Variants in AKAP7 observed in about 807,000 individuals in gnomAD.
AKAP7 encodes A-kinase anchoring protein 7.
A neutral mutation model predicts 39.5 loss-of-function variants in AKAP7; 39 were observed. The observed-to-expected ratio is 0.99, with a 90% CI of 0.76 to 1.29. AKAP7 has a LOEUF of 1.29. Among genes scored for constraint, AKAP7 ranks in the 50% most tolerant of loss-of-function variants. The probability of loss-of-function intolerance (pLI) is 0.00; values close to 1 mark genes in which losing one functional copy is unlikely to be tolerated. For synonymous variants in AKAP7, 140 were observed against 139.1 expected (o/e 1.01, Z -0.05); for missense variants, 414 against 407.7 (o/e 1.02, Z -0.13).
chr6:131,131,035 C>T (rs887146088), upstream of AKAP7, among the ~76,000 whole-genome samples: 3 of 152,168 alleles, frequency 2.0e-5, no homozygotes, highest in Non-Finnish European at 4.4e-5. Flanking sequence ...CTTGTTCAGG[C>T]GTGAGCAGGT....
chr6:131,215,889 T>C (rs1161605242), intron 6 of AKAP7, among the ~76,000 whole-genome samples: 3 of 152,224 alleles, frequency 2.0e-5, no homozygotes. Context: ...AATTTTGTTG[T>C]CAAGTCATTA....
chr6:131,189,383 G>A (rs1454266854), intron 5 of AKAP7, among the ~76,000 whole-genome samples: 1 of 151,960 alleles, frequency 6.6e-6, no homozygotes, highest in Admixed American at 6.6e-5. Flanking sequence ...ACCTCTTTTT[G>A]ATTATTCTCA....
chr6:131,224,529 G>A (rs1328839568), intron 7 of AKAP7, among the ~76,000 whole-genome samples: 1 of 152,048 alleles, frequency 6.6e-6, no homozygotes, highest in East Asian at 1.9e-4. Flanking sequence ...GTAGGTACAT[G>A]TGTGAATTTT....
chr6:131,232,677 C>T (rs1810724353), intron 7 of AKAP7, among the ~76,000 whole-genome samples: 1 of 152,020 alleles, frequency 6.6e-6, no homozygotes, highest in South Asian at 2.1e-4. Context: ...CAGGCAATCC[C>T]AGCTACTTGG....
In AKAP7 at chr6:131,138,108, C is replaced by A. The variant is rs184905454; in HGVS notation, c.19+2326C>A. ...ACCCAGTCACCATCCATGTTCCCCC[C>A]ACCCGTTCCACCACCCTCCCCAGCC... is the stretch of plus-strand genomic sequence containing the variant. On this transcript the variant is annotated intron_variant, in intron 1 of 7. Coordinates refer to ENST00000431975, the MANE Select transcript of AKAP7 (RefSeq NM_016377.4). Among the ~76,000 whole-genome samples the A allele has an allele frequency of 3.9e-3, 594 of 152,254 alleles. 6 individuals carry two copies. The highest frequency in any genetic ancestry group is 0.014 in the African/African-American group (570 of 41,534).
At chr6:131,185,978 G>A (rs971506025) in intron 5 of AKAP7, among the ~76,000 whole-genome samples, 4 of 151,978 alleles carry the variant, frequency 2.6e-5, no homozygotes, top group African/African-American at 4.8e-5. Context: ...GATCCATTTC[G>A]AGTTAATTTT....
intron 6 of AKAP7, among the ~76,000 whole-genome samples, chr6:131,219,247 G>A (rs1453167056): frequency 2.1e-5 from 3 of 146,256 alleles, no homozygotes; most frequent in Non-Finnish European, 4.5e-5. Flanking sequence ...CCGAGATCGC[G>A]CCACTGCACT....
chr6:131,233,534 T>TGTG (rs376800627), intron 7 of AKAP7, among the ~76,000 whole-genome samples: 132 of 152,316 alleles, frequency 8.7e-4, no homozygotes, highest in African/African-American at 2.7e-3. Context: ...CTATTATTAT[T>TGTG]GTGGTAGAAA....
At chr6:131,211,689 C>T (rs990660319) in intron 6 of AKAP7, among the ~76,000 whole-genome samples, 3 of 144,826 alleles carry the variant, frequency 2.1e-5, no homozygotes, top group Non-Finnish European at 4.5e-5. Context: ...AGGGGAATGG[C>T]GAGAACCCGG....
At chr6:131,228,861 G>T (rs904984447) in intron 7 of AKAP7, among the ~76,000 whole-genome samples, 1 of 152,126 alleles carries the variant, frequency 6.6e-6, no homozygotes, top group Non-Finnish European at 1.5e-5. Flanking sequence ...AATCTAGACA[G>T]TTGCAACTAA....
chr6:131,186,791 T>TAATCCC (rs1805907227), intron 5 of AKAP7, among the ~76,000 whole-genome samples: 2 of 147,326 alleles, frequency 1.4e-5, no homozygotes, highest in Non-Finnish European at 3.1e-5. Flanking sequence ...TTAAGGACAG[T>TAATCCC]AATCCCATTA....
At chr6:131,137,847 T>C (rs1290690748) in intron 1 of AKAP7, 3 of 152,244 alleles carry the variant, frequency 2.0e-5, no homozygotes, top group Non-Finnish European at 4.4e-5. Flanking sequence ...GAAACATGAA[T>C]ATATTCAATA....
At chr6:131,159,358 G>T (rs1468988887) in intron 2 of AKAP7, among the ~76,000 whole-genome samples, 1 of 152,128 alleles carries the variant, frequency 6.6e-6, no homozygotes, top group Non-Finnish European at 1.5e-5. Context: ...CTCCCAAAGT[G>T]CTGGGATTAC....
intron 5 of AKAP7, chr6:131,185,091 G>A (rs994981310): frequency 1.9e-5 from 13 of 673,852 alleles, no homozygotes; most frequent in Non-Finnish European, 2.6e-5. Context: ...TCGGGGATCT[G>A]GGGTACCTCG....
At chr6:131,264,720 G>C (rs756984668) in intron 7 of AKAP7, among the ~76,000 whole-genome samples, 5 of 152,138 alleles carry the variant, frequency 3.3e-5, no homozygotes, top group Admixed American at 2.0e-4. Flanking sequence ...ATAAAGAAAA[G>C]AGGTTTCATT....
At chr6:131,276,790 TC>T (rs1814779188) in intron 7 of AKAP7, among the ~76,000 whole-genome samples, 1 of 152,296 alleles carries the variant, frequency 6.6e-6, no homozygotes, top group South Asian at 2.1e-4. Context: ...TTTTCTTTGT[TC>T]CCTTTTCCAA....
intron 7 of AKAP7, chr6:131,250,479 G>T: frequency 6.3e-7 from 1 of 1,596,662 alleles, no homozygotes; most frequent in South Asian, 1.1e-5. Context: ...AAAAGGCAGG[G>T]TGTGCTCGCA....
intron 1 of AKAP7, 100 bp downstream of exon 1, chr6:131,135,882 C>G (rs1487425270): frequency 2.5e-6 from 3 of 1,177,312 alleles, no homozygotes; most frequent in Non-Finnish European, 3.2e-6. Context: ...TGACCCGCGC[C>G]GGCCCTTCTC....
chr6:131,142,589 G>C (rs1426042701), intron 1 of AKAP7, among the ~76,000 whole-genome samples: 2 of 152,262 alleles, frequency 1.3e-5, no homozygotes, highest in Non-Finnish European at 2.9e-5. Flanking sequence ...GAAGCCTGCT[G>C]CAGCAGTGGA....
Sources: allele counts gnomAD v4.1 joint callset (sites outside exome capture counted in the v4.1 genomes callset), GRCh38; gene constraint gnomAD v4.1.1; transcripts MANE v1.5; gene names NCBI Gene and HGNC (gene_info 2026-07-23, HGNC 2026-07-21).